Variants in ARHGDIB observed in about 807,000 individuals in gnomAD.
The protein encoded by ARHGDIB is rho GDP-dissociation inhibitor 2.
ARHGDIB carries 20 observed loss-of-function variants against 22.6 expected under a neutral mutation model. The observed-to-expected ratio is 0.88, with a 90% CI of 0.62 to 1.28. The LOEUF (loss-of-function observed/expected upper bound fraction) is 1.28. Ranked by LOEUF, ARHGDIB falls within the 50% of genes most tolerant of loss-of-function variation. ARHGDIB has a pLI of 0.00. For synonymous variants in ARHGDIB, 114 were observed against 96.1 expected, an observed-to-expected ratio of 1.19 and a Z score of -1.09; for missense variants, 254 against 245.4, an observed-to-expected ratio of 1.04 and a Z score of -0.23.
intron 2 of ARHGDIB, among the ~76,000 whole-genome samples, chr12:14,950,157 G>T (rs138883176): frequency 6.6e-6 from 1 of 152,064 alleles, no homozygotes; most frequent in Admixed American, 6.5e-5. Context: ...CTGCTAATTG[G>T]GCACTGTCCA....
At chr12:14,950,917 C>T in intron 1 of ARHGDIB, 193 bp from the exon 2 acceptor site, 1 of 483,800 alleles carries the variant, frequency 2.1e-6, no homozygotes, top group South Asian at 3.4e-5. Context: ...TTTCTCTGAC[C>T]TGCCTGAATT....
chr12:14,954,216 A>C (rs1213219027), intron 1 of ARHGDIB, among the ~76,000 whole-genome samples: 1 of 152,104 alleles, frequency 6.6e-6, no homozygotes, highest in African/African-American at 2.4e-5. Context: ...TGAGCTCAAG[A>C]GATCCACCCG....
chr12:14,947,708 C>T, intron 4 of ARHGDIB, 165 bp downstream of exon 4: 1 of 608,172 alleles, frequency 1.6e-6, no homozygotes, highest in Non-Finnish European at 2.9e-6. Context: ...ACGTGGGTCT[C>T]AACAGGTAGC....
At chr12:14,944,288 A>AT (rs1051875758) in intron 5 of ARHGDIB, among the ~76,000 whole-genome samples, 5 of 150,776 alleles carry the variant, frequency 3.3e-5, no homozygotes, top group South Asian at 2.1e-4. Context: ...CCTAGAAAAT[A>AT]TTTTTTTTTC....
At chr12:14,950,503 C>T (rs776006145) in intron 2 of ARHGDIB, 29 bp downstream of exon 2, 2 of 1,574,138 alleles carry the variant, frequency 1.3e-6, no homozygotes, top group Non-Finnish European at 1.7e-6. Flanking sequence ...AGCGATCTTC[C>T]ACCCACCCTG....
At chr12:14,952,290 A>AG (rs1007835566) in intron 1 of ARHGDIB, among the ~76,000 whole-genome samples, 3 of 151,786 alleles carry the variant, frequency 2.0e-5, no homozygotes, top group African/African-American at 7.3e-5. Flanking sequence ...AAAAAAAAAA[A>AG]AAAAGAGAAA....
intron 5 of ARHGDIB, among the ~76,000 whole-genome samples, chr12:14,943,459 G>A (rs1381210446): frequency 6.7e-6 from 1 of 150,214 alleles, no homozygotes; most frequent in Non-Finnish European, 1.5e-5. Flanking sequence ...CAGACAAATT[G>A]AGACCTCAGT....
Position 14,945,681 on chromosome 12 carries a change from A to T in ARHGDIB, c.343-842T>A, listed in dbSNP as rs565841756. 2.6e-5 allele frequency among the ~76,000 whole-genome samples: 4 copies of T among 152,348 alleles called. No individual in the cohort carries two copies. The South Asian group carries it at 6.2e-4, about 24-fold the overall frequency. ...AAGCATCTTCAAATAATTTTTCTTC[A>T]ACAATAATTATGGCTGTCCTTTTGT... is the stretch of plus-strand genomic sequence containing the variant. On this transcript the variant is annotated intron_variant, in intron 4 of 5. Transcript: ENST00000228945.
At chr12:14,959,328 G>A (rs1864364055) in intron 1 of ARHGDIB, among the ~76,000 whole-genome samples, 1 of 152,204 alleles carries the variant, frequency 6.6e-6, no homozygotes, top group Non-Finnish European at 1.5e-5. Flanking sequence ...TGAGGCGGGA[G>A]GATCACGTGA....
chr12:14,961,282 C>G (rs1345925934), intron 1 of ARHGDIB: 1 of 152,192 alleles, frequency 6.6e-6, no homozygotes, highest in African/African-American at 2.4e-5. Flanking sequence ...TTCAGGATTG[C>G]ACTTCCTGGG....
chr12:14,944,720 G>C, intron 5 of ARHGDIB, 56 bp downstream of exon 5: 1 of 1,547,850 alleles, frequency 6.5e-7, no homozygotes, highest in Non-Finnish European at 8.9e-7. Context: ...ATAACCAGAA[G>C]TTAAAGTATC....
chr12:14,958,360 T>G (rs1270273349), intron 1 of ARHGDIB, among the ~76,000 whole-genome samples: 1 of 152,198 alleles, frequency 6.6e-6, no homozygotes, highest in Non-Finnish European at 1.5e-5. Flanking sequence ...ACAAGATTAT[T>G]TTGTAAGAGA....
intron 1 of ARHGDIB, among the ~76,000 whole-genome samples, chr12:14,958,564 G>A (rs1375303447): frequency 2.0e-5 from 3 of 152,176 alleles, no homozygotes; most frequent in Admixed American, 6.5e-5. Context: ...AGTGCCCAAC[G>A]TGTGAAGTCA....
chr12:14,953,638 A>T (rs1403036048), intron 1 of ARHGDIB, among the ~76,000 whole-genome samples: 2 of 152,056 alleles, frequency 1.3e-5, no homozygotes, highest in Non-Finnish European at 2.9e-5. Flanking sequence ...CTCAAGGAAA[A>T]AAAAAACAGA....
Position 14,944,796 on chromosome 12 carries a change from G to C in ARHGDIB, c.386C>G (p.Thr129Ser), listed in dbSNP as rs1359584173. 1.9e-6 allele frequency: 3 copies of C among 1,613,626 alleles called. No individual in the cohort carries two copies. The highest frequency in any genetic ancestry group is 1.7e-5 in the Admixed American group (1 of 59,978). Reference protein sequence around the residue: ...IVSGLKYVQHTYRTGVKVDKA... With the variant: ...IVSGLKYVQHSYRTGVKVDKA... Reference sequence around the variant, plus strand: ...CTTACCTTTCACCCCAGTCCTGTAGGTGTGCTGAACGTATTTCAGGCCTGA... The same window carrying C: ...CTTACCTTTCACCCCAGTCCTGTAGCTGTGCTGAACGTATTTCAGGCCTGA... Residue 129 changes from threonine (T) to serine (S), a missense_variant, in exon 5 of 6, where the codon ACC becomes AGC. Physicochemically the swap from Thr to Ser is moderately conservative, Grantham distance 58. Transcript: ENST00000228945.
chr12:14,943,283 T>G (rs1023181728), intron 5 of ARHGDIB, among the ~76,000 whole-genome samples: 3 of 152,140 alleles, frequency 2.0e-5, no homozygotes, highest in Non-Finnish European at 4.4e-5. Flanking sequence ...TAACCTTCTG[T>G]GGGTCCCAGG....
chr12:14,946,684 T>A (rs1864022983), intron 4 of ARHGDIB, among the ~76,000 whole-genome samples: 1 of 152,166 alleles, frequency 6.6e-6, no homozygotes, highest in Non-Finnish European at 1.5e-5. Context: ...CACCTCCCCA[T>A]CCAGAGGAGA....
intron 3 of ARHGDIB, among the ~76,000 whole-genome samples, chr12:14,948,302 T>A (rs866944223): frequency 3.7e-4 from 57 of 152,256 alleles, no homozygotes; most frequent in Middle Eastern, 3.4e-3. Flanking sequence ...ATATTACTGG[T>A]CAAATGAAGA....
chr12:14,956,803 A>G (rs573847516), intron 1 of ARHGDIB, among the ~76,000 whole-genome samples: 35 of 152,324 alleles, frequency 2.3e-4, no homozygotes, highest in African/African-American at 8.4e-4. Context: ...CAAGCATTAG[A>G]TGTGCTGAGA....
Sources: gnomAD v4.1 joint callset for allele counts (sites outside exome capture counted in the v4.1 genomes callset) on GRCh38, gnomAD v4.1.1 for gene constraint, MANE v1.5 for transcripts, NCBI Gene and HGNC (gene_info 2026-07-23, HGNC 2026-07-21) for gene names.